PRORP: variants seen among roughly 807,000 people sequenced by gnomAD.
The protein encoded by PRORP is mitochondrial ribonuclease P catalytic subunit.
PRORP carries 51 observed loss-of-function variants against 59.4 expected under a neutral mutation model. That is an observed-to-expected ratio of 0.86 (90% CI 0.69 to 1.08). The LOEUF (loss-of-function observed/expected upper bound fraction) is 1.08, where lower values mean the gene tolerates loss of function less well. Ranked by LOEUF, PRORP falls within the 50% of genes least tolerant of loss-of-function variation. The pLI, the probability that PRORP is intolerant of heterozygous loss-of-function variation, is 0.00. For missense variants in PRORP, 646 were observed against 690.3 expected, an observed-to-expected ratio of 0.94 and a Z score of 0.72; for synonymous variants, 231 against 245.6, an observed-to-expected ratio of 0.94 and a Z score of 0.55.
At chr14:35,259,989 T>G (rs1456008550) in intron 5 of PRORP, among the ~76,000 whole-genome samples, 2 of 139,426 alleles carry the variant, frequency 1.4e-5, no homozygotes, top group Non-Finnish European at 3.1e-5. Flanking sequence ...TGGAGGTTTT[T>G]CGGGTTTTTT....
chr14:35,201,090 T>A (rs1257619668), intron 5 of PRORP, among the ~76,000 whole-genome samples: 1 of 152,204 alleles, frequency 6.6e-6, no homozygotes, highest in African/African-American at 2.4e-5. Context: ...TTTTTCATAA[T>A]TAGACTGCAG....
chr14:35,215,243 G>C (rs968362860), intron 5 of PRORP, among the ~76,000 whole-genome samples: 7 of 152,038 alleles, frequency 4.6e-5, no homozygotes, highest in Non-Finnish European at 1.0e-4. Flanking sequence ...GAAGAACAAT[G>C]CATTTCTTCC....
rs904477521 is a variant in PRORP, at chr14:35,145,046, T to C, written c.1167+17435T>C. On this transcript the variant is annotated intron_variant, in intron 4 of 7. Transcript: ENST00000534898. ...AGTGCAGTGGCGTGATCATAGCTCA[T>C]TGCAGCCTCAACCTCCCAGGCTCAA... Among the ~76,000 whole-genome samples, 4 of 145,362 alleles carry C rather than the reference T, an allele frequency of 2.8e-5. 1 individual carries two copies. Among genetic ancestry groups the C allele is most frequent in the South Asian group, 4.6e-4 (2 of 4,374 alleles).
In PRORP at chr14:35,264,943, C is replaced by T. The variant is rs1008074753; in HGVS notation, c.1276-1784C>T. On this transcript the variant is annotated intron_variant, in intron 5 of 7. Coordinates refer to ENST00000534898, the MANE Select transcript of PRORP (RefSeq NM_014672.4). ...GGTGGAGGTTGCAGTGAACTGAGAT[C>T]GCGCCACTGCCCTCCAGCCTGGGCA... is the stretch of plus-strand genomic sequence containing the variant. 3.3e-5 allele frequency among the ~76,000 whole-genome samples: 5 copies of T among 152,220 alleles called. No individual in the cohort carries two copies. The Middle Eastern group carries it at 0.01, about 311-fold the overall frequency.
intron 5 of PRORP, among the ~76,000 whole-genome samples, chr14:35,209,528 T>G (rs1289321041): frequency 6.6e-6 from 1 of 152,194 alleles, no homozygotes; most frequent in African/African-American, 2.4e-5. Flanking sequence ...TTTTTTCCTT[T>G]ATTCATTTGT....
intron 5 of PRORP, among the ~76,000 whole-genome samples, chr14:35,199,949 C>T (rs768942923): frequency 1.3e-5 from 2 of 152,144 alleles, no homozygotes; most frequent in Admixed American, 6.6e-5. Context: ...ATCAGGAAAA[C>T]CCCCTGAAAA....
chr14:35,256,676 A>G lies in PRORP; in HGVS notation c.1276-10051A>G, dbSNP rs141835561. ...TTCTTATATTTAGAAATGCATTCCA[A>G]CATATTTACAGGTGAAATGATATGT... On this transcript the variant is annotated intron_variant, in intron 5 of 7. Transcript: ENST00000534898. Among the ~76,000 whole-genome samples, 13 of 151,938 alleles carry G rather than the reference A, an allele frequency of 8.6e-5. No individual in the cohort carries two copies. The East Asian group carries it at 2.2e-3, about 25-fold the overall frequency.
intron 5 of PRORP, among the ~76,000 whole-genome samples, chr14:35,221,683 A>C (rs2049788420): frequency 6.6e-6 from 1 of 152,172 alleles, no homozygotes; most frequent in Non-Finnish European, 1.5e-5. Flanking sequence ...GACATTTCAC[A>C]GTGGTGGCAG....
chr14:35,178,665 C>T (rs968490661), intron 4 of PRORP, among the ~76,000 whole-genome samples: 5 of 152,190 alleles, frequency 3.3e-5, no homozygotes, highest in African/African-American at 1.2e-4. Context: ...CTCCTGAATA[C>T]AGCAACACTG....
chr14:35,177,885 G>T (rs1281272379), intron 4 of PRORP, among the ~76,000 whole-genome samples: 1 of 152,108 alleles, frequency 6.6e-6, no homozygotes, highest in Non-Finnish European at 1.5e-5. Flanking sequence ...GGCATTTAGT[G>T]CTATAAATTT....
chr14:35,177,419 G>A (rs1267792903), intron 4 of PRORP, among the ~76,000 whole-genome samples: 2 of 152,150 alleles, frequency 1.3e-5, no homozygotes, highest in African/African-American at 4.8e-5. Flanking sequence ...CTCAATTTCA[G>A]ATCCTGTTAT....
chr14:35,150,969 G>A (rs1595193412), intron 4 of PRORP, among the ~76,000 whole-genome samples: 1 of 152,152 alleles, frequency 6.6e-6, no homozygotes, highest in Admixed American at 6.5e-5. Flanking sequence ...TTCTTACAGC[G>A]AGTGATCTTT....
chr14:35,273,335 A>G (rs1594367219), intron 7 of PRORP, 100 bp from the exon 8 acceptor site: 13 of 1,167,680 alleles, frequency 1.1e-5, no homozygotes, highest in South Asian at 1.8e-5. Flanking sequence ...TCCATTATCA[A>G]TACTCTTCTG....
rs190395913 is a variant in PRORP, at chr14:35,228,205, A to G, written c.1276-38522A>G. ...GCTAGCTTTACAATATTAATTTTTAAAAGATAATAGCCAGCCATTGAGCAT... is the reference window on the plus strand; with the variant it reads ...GCTAGCTTTACAATATTAATTTTTAGAAGATAATAGCCAGCCATTGAGCAT... On this transcript the variant is annotated intron_variant, in intron 5 of 7. Coordinates refer to ENST00000534898, the MANE Select transcript of PRORP (RefSeq NM_014672.4). Among the ~76,000 whole-genome samples, 842 of 152,358 alleles carry G rather than the reference A, an allele frequency of 5.5e-3. 6 individuals are homozygous for G. The highest frequency in any genetic ancestry group is 6.1e-3 in the Non-Finnish European group (417 of 68,024).
chr14:35,211,129 A>C (rs1297412888), intron 5 of PRORP, among the ~76,000 whole-genome samples: 1 of 152,150 alleles, frequency 6.6e-6, no homozygotes, highest in Non-Finnish European at 1.5e-5. Context: ...CTATCCTATT[A>C]CATCATAATG....
chr14:35,123,302 C>T lies in PRORP; in HGVS notation c.57C>T (p.Tyr19=). Residue 19 remains tyrosine, a synonymous_variant, in exon 2 of 8, where the codon TAC becomes TAT. Transcript: ENST00000534898. ...RSFPKLWKSP[Y]LGLGPGHSYV... is the part of the protein sequence containing the mutation. Reference sequence around the variant, plus strand: ...TTCCGAAGCTTTGGAAGAGCCCATACCTTGGGCTAGGCCCAGGGCACTCTT... The same window carrying T: ...TTCCGAAGCTTTGGAAGAGCCCATATCTTGGGCTAGGCCCAGGGCACTCTT... The T allele has an allele frequency of 6.2e-7, 1 of 1,613,708 alleles. No individual in the cohort carries two copies. The highest frequency in any genetic ancestry group is 8.5e-7 in the Non-Finnish European group (1 of 1,179,912).
intron 5 of PRORP, among the ~76,000 whole-genome samples, chr14:35,208,207 C>T (rs1300037095): frequency 1.3e-5 from 2 of 151,790 alleles, no homozygotes; most frequent in African/African-American, 4.8e-5. Flanking sequence ...CTTATCAGTA[C>T]TATGCTGTCA....
chr14:35,274,981 T>C lies in PRORP; in HGVS notation c.*1415T>C, dbSNP rs1317562041. On this transcript the variant is annotated 3_prime_UTR_variant, in exon 8 of 8. Transcript: ENST00000534898. ...TGCACCCCTTCATGATAGTTCTTTC[T>C]TTACGTATACATACTGTATTCAATA... 1 of 152,200 alleles carries C rather than the reference T, an allele frequency of 6.6e-6. No individual in the cohort carries two copies. The highest frequency in any genetic ancestry group is 1.5e-5 in the Non-Finnish European group (1 of 68,042). The allele number at this position is 152,200 out of a possible 1,614,324, so 9.4% of individuals were successfully genotyped here.
At chr14:35,258,440 A>C (rs1227023020) in intron 5 of PRORP, among the ~76,000 whole-genome samples, 1 of 152,226 alleles carries the variant, frequency 6.6e-6, no homozygotes, top group African/African-American at 2.4e-5. Context: ...AGGAAAAATA[A>C]TTTTGTGAAA....
Sources: allele counts gnomAD v4.1 joint callset (sites outside exome capture counted in the v4.1 genomes callset), GRCh38; gene constraint gnomAD v4.1.1; transcripts MANE v1.5; gene names NCBI Gene and HGNC (gene_info 2026-07-23, HGNC 2026-07-21).